The following CAMK2D variants were observed in gnomAD, a reference collection of about 807,000 sequenced individuals.
CAMK2D encodes the protein calcium/calmodulin dependent protein kinase II delta.
In CAMK2D, 37 loss-of-function variants were observed where a neutral mutation model predicts 84.0. That is an observed-to-expected ratio of 0.44 (90% CI 0.34 to 0.58). The LOEUF (loss-of-function observed/expected upper bound fraction) is 0.58. Ranked by LOEUF, CAMK2D falls within the 20% of genes least tolerant of loss-of-function variation. CAMK2D has a pLI of 0.02. For missense variants in CAMK2D, 448 were observed against 652.5 expected (o/e 0.69, Z 3.41); for synonymous variants, 202 against 212.5 (o/e 0.95, Z 0.43).
At chr4:113,742,079 T>A (rs995223641) in intron 2 of CAMK2D, among the ~76,000 whole-genome samples, 1 of 152,166 alleles carries the variant, frequency 6.6e-6, no homozygotes, top group African/African-American at 2.4e-5. Flanking sequence ...ATGTCTCTCA[T>A]CTTAACTCTC....
intron 18 of CAMK2D, among the ~76,000 whole-genome samples, chr4:113,459,621 G>A (rs2097347536): frequency 6.8e-6 from 1 of 147,818 alleles, no homozygotes; most frequent in African/African-American, 2.5e-5. Flanking sequence ...TGCTTGAAGT[G>A]TATTCAATCA....
At chr4:113,463,147 A>C (rs2097411455) in intron 17 of CAMK2D, among the ~76,000 whole-genome samples, 1 of 152,142 alleles carries the variant, frequency 6.6e-6, no homozygotes, top group South Asian at 2.1e-4. Context: ...TTATAAGAAG[A>C]AGCTCCTGAT....
At chr4:113,533,370 C>A (rs887897448) in intron 7 of CAMK2D, among the ~76,000 whole-genome samples, 3 of 151,980 alleles carry the variant, frequency 2.0e-5, no homozygotes, top group East Asian at 3.9e-4. Flanking sequence ...ATAGAGAAGA[C>A]CTTCTCTGTG....
chr4:113,598,495 A>G (rs1038049216), intron 4 of CAMK2D, among the ~76,000 whole-genome samples: 3 of 152,206 alleles, frequency 2.0e-5, no homozygotes, highest in Non-Finnish European at 4.4e-5. Context: ...CTTTTTAGAT[A>G]TAAGACCAAA....
chr4:113,460,071 G>A lies in CAMK2D; in HGVS notation c.1306+76C>T, dbSNP rs2097354573. 8.2e-6 allele frequency: 7 copies of A among 851,858 alleles called. 1 individual carries two copies. The highest frequency in any genetic ancestry group is 6.8e-5 in the South Asian group (5 of 73,158). 52.8% of individuals were successfully genotyped at this position (851,858 alleles called of 1,614,324 possible). The stretch of plus-strand genomic sequence containing the variant: ...GTAAAAACTCTCATTGTAGAAAAGA[G>A]CAAAATAATCTGCAAATTTGGGAAA... On this transcript the variant is annotated intron_variant, in intron 18 of 20. Coordinates refer to ENST00000511664, the MANE Select transcript of CAMK2D (RefSeq NM_001321571.2).
intron 6 of CAMK2D, 101 bp downstream of exon 6, chr4:113,547,543 A>T: frequency 1.6e-6 from 1 of 621,946 alleles, no homozygotes; most frequent in South Asian, 2.3e-5. Flanking sequence ...ATAAGTCCAC[A>T]CAACTTTATT....
chr4:113,463,059 T>C (rs1156752922), intron 17 of CAMK2D, among the ~76,000 whole-genome samples: 1 of 152,166 alleles, frequency 6.6e-6, no homozygotes, highest in Non-Finnish European at 1.5e-5. Context: ...GTATGTCTTA[T>C]TAGGTCATGA....
intron 17 of CAMK2D, among the ~76,000 whole-genome samples, chr4:113,465,100 A>T (rs1326889407): frequency 6.6e-6 from 1 of 152,074 alleles, no homozygotes. Flanking sequence ...TGATGTGACC[A>T]TGGCTCCATG....
Position 113,724,002 on chromosome 4 carries a change from T to C in CAMK2D, c.160+35318A>G, listed in dbSNP as rs544293934. ...AACATATTGATGTTATATTACGTAT[T>C]ACGTTAATAAAATTCCTAATGTTAA... is the stretch of plus-strand genomic sequence containing the variant. On this transcript the variant is annotated intron_variant, in intron 2 of 20. Transcript: ENST00000511664. 2.0e-5 allele frequency among the ~76,000 whole-genome samples: 3 copies of C among 152,262 alleles called. No individual in the cohort carries two copies. The South Asian group carries it at 6.2e-4, about 32-fold the overall frequency.
At chr4:113,599,976 T>C (rs1328939309) in intron 4 of CAMK2D, among the ~76,000 whole-genome samples, 2 of 152,158 alleles carry the variant, frequency 1.3e-5, no homozygotes, top group East Asian at 1.9e-4. Flanking sequence ...AGTGGACCTG[T>C]GCAGTTCAAA....
intron 20 of CAMK2D, among the ~76,000 whole-genome samples, chr4:113,455,504 C>A (rs1348334849): frequency 2.6e-5 from 4 of 152,164 alleles, no homozygotes; most frequent in African/African-American, 9.7e-5. Flanking sequence ...GGAAAAAATT[C>A]TTTTCAGTGT....
chr4:113,564,549 C>T (rs1015663043), intron 4 of CAMK2D, among the ~76,000 whole-genome samples: 1 of 151,974 alleles, frequency 6.6e-6, no homozygotes, highest in African/African-American at 2.4e-5. Flanking sequence ...ATATCTCCTA[C>T]TAAACCTCAA....
At chr4:113,520,888 G>T (rs1016910141) in intron 8 of CAMK2D, among the ~76,000 whole-genome samples, 2 of 152,092 alleles carry the variant, frequency 1.3e-5, no homozygotes, top group African/African-American at 4.8e-5. Flanking sequence ...ATTTAGCCAG[G>T]TGTGGTGGAA....
chr4:113,668,914 A>G (rs1468976132), intron 2 of CAMK2D, among the ~76,000 whole-genome samples: 1 of 152,160 alleles, frequency 6.6e-6, no homozygotes, highest in Non-Finnish European at 1.5e-5. Context: ...CTTCTGATTA[A>G]TAGTTTATCA....
intron 4 of CAMK2D, among the ~76,000 whole-genome samples, chr4:113,571,330 TG>T (rs145154833): frequency 0.013 from 2,051 of 152,288 alleles, 48 homozygotes; most frequent in East Asian, 0.11. Flanking sequence ...GTTGAAGAGA[TG>T]TCTTCACTCC....
intron 4 of CAMK2D, among the ~76,000 whole-genome samples, chr4:113,603,961 A>G (rs1257483651): frequency 6.6e-6 from 1 of 150,964 alleles, no homozygotes; most frequent in Non-Finnish European, 1.5e-5. Context: ...AGAAAAAAAA[A>G]GAAGAAAATT....
intron 2 of CAMK2D, chr4:113,755,053 A>G (rs1482923535): frequency 1.3e-5 from 13 of 984,728 alleles, no homozygotes; most frequent in Non-Finnish European, 1.6e-5. Flanking sequence ...AAGACAAGTA[A>G]CCATGAAGTT....
intron 16 of CAMK2D, among the ~76,000 whole-genome samples, chr4:113,493,921 C>T (rs1307243803): frequency 6.6e-6 from 1 of 152,190 alleles, no homozygotes; most frequent in Non-Finnish European, 1.5e-5. Context: ...ACCCTTTCTT[C>T]CAGTTGATCG....
At chr4:113,576,297 G>A (rs184709336) in intron 4 of CAMK2D, among the ~76,000 whole-genome samples, 1 of 152,088 alleles carries the variant, frequency 6.6e-6, no homozygotes, top group East Asian at 1.9e-4. Flanking sequence ...TAACTTATTG[G>A]CACGTTTGCT....
Sources: gnomAD v4.1 joint callset for allele counts (sites outside exome capture counted in the v4.1 genomes callset) on GRCh38, gnomAD v4.1.1 for gene constraint, MANE v1.5 for transcripts, NCBI Gene and HGNC (gene_info 2026-07-23, HGNC 2026-07-21) for gene names.